The following TRMT11 variants were observed in gnomAD, a reference collection of about 807,000 sequenced individuals.
The protein encoded by TRMT11 is tRNA (guanine(10)-N(2))-methyltransferase TRMT11.
In TRMT11, 53 loss-of-function variants were observed where a neutral mutation model predicts 62.8. That is an observed-to-expected ratio of 0.84 (90% confidence interval 0.68 to 1.06). The LOEUF (loss-of-function observed/expected upper bound fraction) is 1.06. Ranked by LOEUF, TRMT11 falls within the 50% of genes least tolerant of loss-of-function variation. The pLI, the probability that TRMT11 is intolerant of heterozygous loss-of-function variation, is 0.00. For missense variants in TRMT11, 556 were observed against 553.4 expected (o/e 1.00, Z -0.05); for synonymous variants, 188 against 190.3 (o/e 0.99, Z 0.10).
the TRMT11 span, among the ~76,000 whole-genome samples, chr6:126,241,818 G>A: frequency 6.6e-6 from 1 of 151,848 alleles, no homozygotes; most frequent in South Asian, 2.1e-4. Flanking sequence ...GCTATTCATG[G>A]ACAATATCAT....
chr6:126,026,006 T>C (rs1032820947), intron 12 of TRMT11, among the ~76,000 whole-genome samples: 3 of 152,226 alleles, frequency 2.0e-5, no homozygotes, highest in Non-Finnish European at 4.4e-5. Context: ...ATGGCACATA[T>C]GTAGTAAAGA....
chr6:126,238,371 C>T, the TRMT11 span, among the ~76,000 whole-genome samples: 36 of 152,266 alleles, frequency 2.4e-4, no homozygotes, highest in East Asian at 6.0e-3. Flanking sequence ...TCCCTCTACA[C>T]ACTGCTTTAA....
At chr6:126,051,683 TGAG>T (rs1330380090) in intron 16 of TRMT11, among the ~76,000 whole-genome samples, 1 of 152,196 alleles carries the variant, frequency 6.6e-6, no homozygotes, top group East Asian at 1.9e-4. Context: ...GGGAACCAGA[TGAG>T]GAGTCAGGGA....
chr6:126,246,070 C>T, the TRMT11 span, among the ~76,000 whole-genome samples: 1 of 152,020 alleles, frequency 6.6e-6, no homozygotes, highest in East Asian at 1.9e-4. Flanking sequence ...TGCTTGAGCC[C>T]AGGAGTTTGA....
chr6:126,149,946 A>G (rs1778019090), intron 21 of TRMT11, among the ~76,000 whole-genome samples: 1 of 152,190 alleles, frequency 6.6e-6, no homozygotes, highest in Non-Finnish European at 1.5e-5. Context: ...GCTTTTTGTG[A>G]TATAGGAAAA....
chr6:126,004,007 G>T (rs1297724992), intron 7 of TRMT11, among the ~76,000 whole-genome samples: 1 of 151,924 alleles, frequency 6.6e-6, no homozygotes, highest in African/African-American at 2.4e-5. Context: ...TGTGAAGAAT[G>T]GATTTAATTT....
upstream of TRMT11, among the ~76,000 whole-genome samples, chr6:126,175,557 A>G (rs1344179396): frequency 6.6e-6 from 1 of 152,224 alleles, no homozygotes; most frequent in Non-Finnish European, 1.5e-5. Context: ...TTGGATAAGC[A>G]TTATTCAAAC....
At position 126,164,038 on chromosome 6, in the gene TRMT11, C is replaced by T. The variant is rs374981185; in HGVS notation, c.*1824-10787C>T. On this transcript the variant is annotated intron_variant and NMD_transcript_variant, in intron 21 of 22. Coordinates refer to the TRMT11 transcript ENST00000648977. ...TAGCTTTTGAATTTGTTTGCTCTTGCTTCTCTAGTTATTTTAATTGTGATG... is the reference window on the plus strand; with the variant it reads ...TAGCTTTTGAATTTGTTTGCTCTTGTTTCTCTAGTTATTTTAATTGTGATG... Among the ~76,000 whole-genome samples, 14 of 152,048 alleles carry T rather than the reference C, an allele frequency of 9.2e-5. No homozygotes were observed. In the East Asian group the frequency reaches 9.6e-4, roughly 10 times the overall value.
chr6:126,062,804 T>A (rs1361233831), intron 17 of TRMT11, among the ~76,000 whole-genome samples: 1 of 152,214 alleles, frequency 6.6e-6, no homozygotes, highest in Non-Finnish European at 1.5e-5. Flanking sequence ...GGACTGAAGC[T>A]GATGTAAATT....
chr6:126,142,330 G>C (rs767311829), intron 21 of TRMT11, among the ~76,000 whole-genome samples: 3 of 152,010 alleles, frequency 2.0e-5, no homozygotes, highest in African/African-American at 4.8e-5. Context: ...TCTACCAGAG[G>C]GGGGCACAAA....
chr6:126,039,842 A>G (rs1775819713), downstream of TRMT11, among the ~76,000 whole-genome samples: 2 of 151,972 alleles, frequency 1.3e-5, no homozygotes, highest in Non-Finnish European at 2.9e-5. Context: ...GCTGACTTTT[A>G]TGGACTCAGA....
chr6:126,234,763 T>G, the TRMT11 span, among the ~76,000 whole-genome samples: 1 of 152,336 alleles, frequency 6.6e-6, no homozygotes, highest in East Asian at 1.9e-4. Context: ...TTATTCATGC[T>G]TTCTTCTAAG....
intron 16 of TRMT11, among the ~76,000 whole-genome samples, chr6:126,049,325 G>T (rs1776146941): frequency 1.3e-5 from 2 of 152,170 alleles, no homozygotes; most frequent in Non-Finnish European, 2.9e-5. Context: ...TGAGAGAGTT[G>T]TAACAATCGG....
At chr6:126,015,599 G>A (rs1794885012) in intron 11 of TRMT11, among the ~76,000 whole-genome samples, 1 of 152,088 alleles carries the variant, frequency 6.6e-6, no homozygotes, top group African/African-American at 2.4e-5. Flanking sequence ...GTATTTTTCA[G>A]AAACAAGAAC....
chr6:126,243,121 G>A, the TRMT11 span, among the ~76,000 whole-genome samples: 67 of 152,222 alleles, frequency 4.4e-4, no homozygotes, highest in Middle Eastern at 3.4e-3. Context: ...AAAACTAGGC[G>A]AAGGATATGA....
chr6:126,174,993 A>ATGT (rs1297382173), upstream of TRMT11, among the ~76,000 whole-genome samples: 3 of 152,230 alleles, frequency 2.0e-5, no homozygotes, highest in African/African-American at 7.2e-5. Flanking sequence ...TATCAAAAGG[A>ATGT]GCATATTGTA....
intron 17 of TRMT11, among the ~76,000 whole-genome samples, chr6:126,094,868 C>T (rs1777323701): frequency 6.6e-6 from 1 of 152,146 alleles, no homozygotes; most frequent in Non-Finnish European, 1.5e-5. Flanking sequence ...CACATACTAC[C>T]TTATTTTACC....
chr6:126,185,526 AT>A (rs1778516968), intron 1 of TRMT11, among the ~76,000 whole-genome samples: 1 of 152,110 alleles, frequency 6.6e-6, no homozygotes, highest in South Asian at 2.1e-4. Flanking sequence ...TGCTTTTCTA[AT>A]TTTTAAATAT....
chr6:125,986,789 G>A (rs1347495103), intron 1 of TRMT11, 167 bp downstream of exon 1: 3 of 630,674 alleles, frequency 4.8e-6, no homozygotes, highest in Non-Finnish European at 8.2e-6. Context: ...CTTGGCGGAG[G>A]GTGTGTGTGA....
Sources: allele counts gnomAD v4.1 joint callset (sites outside exome capture counted in the v4.1 genomes callset), GRCh38; gene constraint gnomAD v4.1.1; transcripts MANE v1.5; gene names NCBI Gene and HGNC (gene_info 2026-07-23, HGNC 2026-07-21).